Variants in FRMD6 observed in about 807,000 individuals in gnomAD.
FRMD6 encodes FERM domain containing 6.
A neutral mutation model predicts 73.2 loss-of-function variants in FRMD6; 37 were observed. That is an observed-to-expected ratio of 0.51 (90% CI 0.39 to 0.66). The LOEUF is 0.66. FRMD6 is among the 30% of genes least tolerant of loss of function. FRMD6 has a pLI of 0.00. For synonymous variants in FRMD6, 273 were observed against 282.2 expected, an observed-to-expected ratio of 0.97 and a Z score of 0.33; for missense variants, 714 against 780.5, an observed-to-expected ratio of 0.91 and a Z score of 1.02.
intron 1 of FRMD6, among the ~76,000 whole-genome samples, chr14:51,669,762 T>C (rs1893863134): frequency 6.6e-6 from 1 of 152,206 alleles, no homozygotes; most frequent in South Asian, 2.1e-4. Context: ...GGTTTCTATT[T>C]TTCCAAATAT....
intron 2 of FRMD6, among the ~76,000 whole-genome samples, chr14:51,644,871 C>T (rs1322782964): frequency 1.3e-5 from 2 of 152,182 alleles, no homozygotes; most frequent in East Asian, 1.9e-4. Flanking sequence ...TATTTCCTCG[C>T]CCCCAGTCTT....
chr14:51,647,712 G>A (rs1400010060), upstream of FRMD6, among the ~76,000 whole-genome samples: 3 of 152,114 alleles, frequency 2.0e-5, no homozygotes, highest in East Asian at 3.8e-4. Flanking sequence ...TTCTGGAAAA[G>A]TATTCTTTAA....
At chr14:51,617,915 G>T (rs1309228612) in intron 2 of FRMD6, among the ~76,000 whole-genome samples, 1 of 152,094 alleles carries the variant, frequency 6.6e-6, no homozygotes, top group Non-Finnish European at 1.5e-5. Context: ...ACATGCAATA[G>T]ATAAATGCAT....
In FRMD6 at chr14:51,704,788, A is replaced by G. The variant is rs1191024536; in HGVS notation, c.411A>G (p.Arg137=). ...AARYYYYWHL[R]KQVLHSQCVL... ...GATACTATTATTACTGGCACCTGAG[A>G]AAACAAGTTCTTCATTCTCAGTGTG... The change falls in exon 6 of 14, where the codon AGA becomes AGG. Residue 137 remains arginine, a synonymous_variant. Transcript: ENST00000344768. The G allele has an allele frequency of 6.2e-7, 1 of 1,613,152 alleles. No individual in the cohort carries two copies. The highest frequency in any genetic ancestry group is 1.7e-5 in the Admixed American group (1 of 59,898).
At chr14:51,432,673 G>T in the FRMD6 span, among the ~76,000 whole-genome samples, 1 of 152,100 alleles carries the variant, frequency 6.6e-6, no homozygotes, top group Admixed American at 6.6e-5. Context: ...AAAAATAACC[G>T]TAACCCTGAA....
At chr14:51,514,237 C>G (rs1217372528) in intron 1 of FRMD6, among the ~76,000 whole-genome samples, 2 of 152,074 alleles carry the variant, frequency 1.3e-5, no homozygotes, top group Non-Finnish European at 2.9e-5. Flanking sequence ...AAGTTCTCTC[C>G]TACCCCAGCA....
At chr14:51,713,178 C>G (rs528013849) in intron 9 of FRMD6, among the ~76,000 whole-genome samples, 2 of 151,980 alleles carry the variant, frequency 1.3e-5, no homozygotes, top group South Asian at 2.1e-4. Context: ...TAGTTCTGGC[C>G]GGGCACAGTG....
At chr14:51,689,178 G>T (rs1258030910) in intron 1 of FRMD6, among the ~76,000 whole-genome samples, 2 of 152,216 alleles carry the variant, frequency 1.3e-5, no homozygotes, top group Non-Finnish European at 2.9e-5. Flanking sequence ...TTAAAGTGAT[G>T]GCCTAGAGAT....
In FRMD6 at chr14:51,573,898, A is replaced by G. The variant is rs781330696; in HGVS notation, c.-147+3488A>G. ...TGATGCTATTAATACAATGACAACT[A>G]GGGATATTTAGGGAAAGAAACGAGA... On this transcript the variant is annotated intron_variant, in intron 2 of 14. Coordinates refer to the FRMD6 transcript ENST00000356218. Among the ~76,000 whole-genome samples, 179 of 152,322 alleles carry G rather than the reference A, an allele frequency of 1.2e-3. 1 individual carries two copies. The highest frequency in any genetic ancestry group is 5.9e-4 in the Non-Finnish European group (40 of 68,020).
chr14:51,461,955 A>G, the FRMD6 span, among the ~76,000 whole-genome samples: 161 of 152,350 alleles, frequency 1.1e-3, 1 homozygote, highest in Admixed American at 2.5e-3. Flanking sequence ...GCAGGCACTC[A>G]ATAAATGTTA....
intron 2 of FRMD6, among the ~76,000 whole-genome samples, chr14:51,600,489 C>T (rs1485137121): frequency 6.6e-6 from 1 of 152,242 alleles, no homozygotes. Flanking sequence ...TTAACACACA[C>T]TGGCATTTGG....
At chr14:51,631,689 T>G (rs191193469) in intron 2 of FRMD6, among the ~76,000 whole-genome samples, 2 of 152,340 alleles carry the variant, frequency 1.3e-5, no homozygotes, top group South Asian at 2.1e-4. Flanking sequence ...AGTAAGATTT[T>G]AAGTCTTCAA....
intron 1 of FRMD6, among the ~76,000 whole-genome samples, chr14:51,679,721 G>A (rs969754216): frequency 6.6e-6 from 1 of 152,034 alleles, no homozygotes; most frequent in African/African-American, 2.4e-5. Flanking sequence ...GATATTTGAA[G>A]ATCCCCATCA....
the FRMD6 span, among the ~76,000 whole-genome samples, chr14:51,463,229 T>C: frequency 6.6e-6 from 1 of 152,258 alleles, no homozygotes; most frequent in African/African-American, 2.4e-5. Flanking sequence ...TGAAAGTATT[T>C]GCTTTTTCTG....
At chr14:51,598,317 T>A (rs1889834965) in intron 2 of FRMD6, among the ~76,000 whole-genome samples, 1 of 152,152 alleles carries the variant, frequency 6.6e-6, no homozygotes. Context: ...CAAGTGTGAT[T>A]GAGAATAAAT....
In FRMD6 at chr14:51,511,314, C is replaced by T. The variant is rs112148302; in HGVS notation, c.-210+21894C>T. ...TTCAGATAAGATGGTATCATAGAGG[C>T]CAGTGGCCATGAACTGAAATAAAGA... On this transcript the variant is annotated intron_variant, in intron 1 of 14. Coordinates refer to the FRMD6 transcript ENST00000356218. Among the ~76,000 whole-genome samples the T allele has an allele frequency of 4.5e-3, 679 of 152,228 alleles. 3 individuals are homozygous for T. Among genetic ancestry groups the T allele is most frequent in the African/African-American group, 0.016 (656 of 41,520 alleles).
the FRMD6 span, chr14:51,436,840 T>C: frequency 2.1e-6 from 1 of 478,210 alleles, no homozygotes; most frequent in African/African-American, 2.2e-5. Flanking sequence ...AAGGAGAAGA[T>C]GATGATGAAG....
At chr14:51,673,349 G>T (rs924035417) in intron 1 of FRMD6, among the ~76,000 whole-genome samples, 31 of 152,128 alleles carry the variant, frequency 2.0e-4, no homozygotes, top group African/African-American at 7.0e-4. Context: ...CCTCTATCTG[G>T]GTTCCCCTAC....
the FRMD6 span, among the ~76,000 whole-genome samples, chr14:51,410,127 A>G: frequency 6.6e-6 from 1 of 152,206 alleles, no homozygotes; most frequent in African/African-American, 2.4e-5. Flanking sequence ...TTATCCCAAC[A>G]AAAAAGCTTA....
Sources: allele counts gnomAD v4.1 joint callset (sites outside exome capture counted in the v4.1 genomes callset), GRCh38; gene constraint gnomAD v4.1.1; transcripts MANE v1.5; gene names NCBI Gene and HGNC (gene_info 2026-07-23, HGNC 2026-07-21).